Variants in AUTS2 observed in about 807,000 individuals in gnomAD.
AUTS2 encodes activator of transcription and developmental regulator AUTS2.
AUTS2 carries 17 observed loss-of-function variants against 112.4 expected under a neutral mutation model. The observed-to-expected ratio is 0.15, with a 90% CI of 0.10 to 0.23. The LOEUF (loss-of-function observed/expected upper bound fraction) is 0.23. AUTS2 is among the 10% of genes least tolerant of loss of function. AUTS2 has a pLI of 1.00. For missense variants in AUTS2, 1,510 were observed against 1,701.6 expected, an observed-to-expected ratio of 0.89 and a Z score of 1.98; for synonymous variants, 751 against 702.7, an observed-to-expected ratio of 1.07 and a Z score of -1.09.
At chr7:70,066,423 T>C (rs1802494673) in intron 2 of AUTS2, among the ~76,000 whole-genome samples, 1 of 152,338 alleles carries the variant, frequency 6.6e-6, no homozygotes, top group Non-Finnish European at 1.5e-5. Flanking sequence ...CAAAGTCATG[T>C]TTAATAGAGG....
chr7:70,396,117 G>A (rs2129947078), intron 4 of AUTS2, among the ~76,000 whole-genome samples: 1 of 152,200 alleles, frequency 6.6e-6, no homozygotes, highest in Admixed American at 6.5e-5. Flanking sequence ...TTTGATCAAA[G>A]TACCCACTCA....
At chr7:70,273,604 CACTT>C (rs1787794336) in intron 4 of AUTS2, among the ~76,000 whole-genome samples, 1 of 151,976 alleles carries the variant, frequency 6.6e-6, no homozygotes, top group African/African-American at 2.4e-5. Context: ...CAAGTATAGT[CACTT>C]AATTGACACG....
At chr7:70,096,509 G>A (rs978575155) in intron 2 of AUTS2, among the ~76,000 whole-genome samples, 1 of 149,574 alleles carries the variant, frequency 6.7e-6, no homozygotes, top group African/African-American at 2.5e-5. Context: ...TGAGGTAGGA[G>A]AATCGCTTGA....
At position 70,792,049 on chromosome 7, in the gene AUTS2, CCAAA is replaced by C. The variant is rs1476136269; in HGVS notation, c.*1056_*1059del. On this transcript the variant is annotated 3_prime_UTR_variant, in exon 19 of 19. Coordinates refer to ENST00000342771, the MANE Select transcript of AUTS2 (RefSeq NM_015570.4). ...GTTTTGTAATGAGATTTACTTACACCCAAACAGATCCTGAAAGAAAGCTTCAAGT... is the reference window on the plus strand; with the variant it reads ...GTTTTGTAATGAGATTTACTTACACCCAGATCCTGAAAGAAAGCTTCAAGT... 2 of 152,588 alleles carry C rather than the reference CCAAA, an allele frequency of 1.3e-5. No individual in the cohort carries two copies. Among genetic ancestry groups the C allele is most frequent in the Non-Finnish European group, 2.9e-5 (2 of 68,034 alleles). The allele number at this position is 152,588 out of a possible 1,614,324, so 9.5% of individuals were successfully genotyped here. A position where few individuals can be genotyped will look rare whatever the true frequency, so the allele number is the denominator to read the frequency against.
At chr7:70,716,366 G>A (rs1037305048) in intron 6 of AUTS2, among the ~76,000 whole-genome samples, 1 of 152,184 alleles carries the variant, frequency 6.6e-6, no homozygotes, top group Admixed American at 6.5e-5. Flanking sequence ...GGGCACAGTG[G>A]CTCATGCCTG....
chr7:69,975,304 A>G (rs556492951), intron 2 of AUTS2, among the ~76,000 whole-genome samples: 5 of 152,090 alleles, frequency 3.3e-5, no homozygotes, highest in African/African-American at 4.8e-5. Flanking sequence ...ATCTTTAGCA[A>G]AGTTTAACTA....
At position 70,789,934 on chromosome 7, in the gene AUTS2, C is replaced by T. The variant is rs745729494; in HGVS notation, c.2718C>T (p.Ala906=). Residue 906 remains alanine (A), a synonymous_variant, in exon 19 of 19, where the codon GCC becomes GCT. Transcript: ENST00000342771. ...CGGAATCCCGCAAGGACCTGGCCGC[C>T]GACGAGCACAAGGCGAAAGAGGGCC... is the stretch of plus-strand genomic sequence containing the variant. ...DHSESRKDLA[A]DEHKAKEGHL... 3.1e-6 allele frequency: 5 copies of T among 1,613,848 alleles called. 1 individual carries two copies. Among genetic ancestry groups the T allele is most frequent in the Middle Eastern group, 3.3e-4 (2 of 6,084 alleles).
chr7:70,442,276 GT>G (rs1474200975), intron 5 of AUTS2, among the ~76,000 whole-genome samples: 1 of 152,126 alleles, frequency 6.6e-6, no homozygotes, highest in Non-Finnish European at 1.5e-5. Flanking sequence ...GAGGGGATAA[GT>G]GAACCAAGTT....
chr7:69,728,062 G>A (rs1321671302), intron 1 of AUTS2, among the ~76,000 whole-genome samples: 2 of 151,976 alleles, frequency 1.3e-5, no homozygotes, highest in Admixed American at 6.5e-5. Flanking sequence ...GGATTGCTGG[G>A]ATGGAAGCCA....
At chr7:70,065,886 T>A (rs1802467635) in intron 2 of AUTS2, among the ~76,000 whole-genome samples, 1 of 152,086 alleles carries the variant, frequency 6.6e-6, no homozygotes, top group South Asian at 2.1e-4. Context: ...ATAACAGTTT[T>A]TTTTAGAGAG....
intron 6 of AUTS2, among the ~76,000 whole-genome samples, chr7:70,757,351 C>G (rs1789275290): frequency 6.6e-6 from 1 of 152,100 alleles, no homozygotes. Flanking sequence ...CTTATTAGTT[C>G]TAATATTTTC....
In AUTS2 at chr7:70,442,799, T is replaced by G. The variant is rs144233601; in HGVS notation, c.690+7018T>G. Among the ~76,000 whole-genome samples the G allele has an allele frequency of 3.9e-3, 599 of 152,312 alleles. 3 individuals are homozygous for G. Among genetic ancestry groups the G allele is most frequent in the Middle Eastern group, 0.01 (3 of 294 alleles). ...CACCGCACCTGGCCTAAGAGCTTTT[T>G]ATTTTGGATGCGTGATTTCCGTGAT... On this transcript the variant is annotated intron_variant, in intron 5 of 18. Coordinates refer to ENST00000342771, the MANE Select transcript of AUTS2 (RefSeq NM_015570.4).
chr7:70,221,834 C>G (rs1811504386), intron 4 of AUTS2, among the ~76,000 whole-genome samples: 1 of 152,154 alleles, frequency 6.6e-6, no homozygotes, highest in Non-Finnish European at 1.5e-5. Context: ...TTGCAGTGAG[C>G]CGAAATCATG....
At chr7:69,746,798 G>A (rs1039193902) in intron 1 of AUTS2, among the ~76,000 whole-genome samples, 5 of 152,118 alleles carry the variant, frequency 3.3e-5, no homozygotes, top group African/African-American at 1.2e-4. Flanking sequence ...GTGGGCGAGG[G>A]CTGTATTAGG....
At chr7:70,731,987 A>G (rs1281218026) in intron 6 of AUTS2, among the ~76,000 whole-genome samples, 1 of 152,188 alleles carries the variant, frequency 6.6e-6, no homozygotes, top group Non-Finnish European at 1.5e-5. Context: ...GCCTTTATCT[A>G]ATCAGCTCTT....
chr7:70,570,736 C>T (rs550583571), intron 5 of AUTS2, among the ~76,000 whole-genome samples: 171 of 152,286 alleles, frequency 1.1e-3, no homozygotes, highest in Non-Finnish European at 2.1e-3. Context: ...GTGTCCTCCT[C>T]CCTCTCTTCT....
chr7:69,802,653 T>A (rs927521370), intron 1 of AUTS2, among the ~76,000 whole-genome samples: 18 of 152,218 alleles, frequency 1.2e-4, no homozygotes, highest in Admixed American at 1.2e-3. Context: ...GTGCCTGTGC[T>A]ATAACCATCA....
At chr7:70,778,834 G>A (rs1349449841) in intron 14 of AUTS2, among the ~76,000 whole-genome samples, 9 of 152,154 alleles carry the variant, frequency 5.9e-5, no homozygotes, top group Non-Finnish European at 1.2e-4. Context: ...TTTTGTTCTG[G>A]TTGATGTGGT....
At chr7:70,435,673 G>T in intron 4 of AUTS2, 79 bp from the exon 5 acceptor site, 1 of 1,404,596 alleles carries the variant, frequency 7.1e-7, no homozygotes, top group Admixed American at 1.7e-5. Flanking sequence ...TTTTGTATGG[G>T]GGTTGGGGGA....
Sources: allele counts gnomAD v4.1 joint callset (sites outside exome capture counted in the v4.1 genomes callset), GRCh38; gene constraint gnomAD v4.1.1; transcripts MANE v1.5; gene names NCBI Gene and HGNC (gene_info 2026-07-23, HGNC 2026-07-21).